PTRH1: variants seen among roughly 807,000 people sequenced by gnomAD.
PTRH1 encodes peptidyl-tRNA hydrolase 1 homolog.
A neutral mutation model predicts 15.7 loss-of-function variants in PTRH1; 13 were observed. The observed-to-expected ratio is 0.83, with a 90% CI of 0.54 to 1.31. The LOEUF is 1.31. Among genes scored for constraint, PTRH1 ranks in the 40% most tolerant of loss-of-function variants. The pLI is 0.00. For synonymous variants in PTRH1, 139 were observed against 136.7 expected (o/e 1.02, Z -0.12); for missense variants, 319 against 296.2 (o/e 1.08, Z -0.56).
chr9:127,713,077 C>T (rs1330152280), downstream of PTRH1: 3 of 1,613,772 alleles, frequency 1.9e-6, no homozygotes, highest in African/African-American at 2.7e-5. Context: ...TCTCTGACAT[C>T]ACCCCCTACC....
At chr9:127,707,050 G>A (rs754539168) in intron 1 of PTRH1, 5 of 1,613,842 alleles carry the variant, frequency 3.1e-6, no homozygotes, top group Non-Finnish European at 3.4e-6. Context: ...CAAAAAGAGT[G>A]TGAGCAAGGC....
intron 1 of PTRH1, among the ~76,000 whole-genome samples, chr9:127,706,597 G>T (rs981638889): frequency 6.6e-6 from 1 of 152,136 alleles, no homozygotes; most frequent in Non-Finnish European, 1.5e-5. Context: ...TCAGCTGGAC[G>T]CCCCAATGCA....
At chr9:127,710,282 CAAA>C (rs60165824), downstream of PTRH1, among the ~76,000 whole-genome samples, 3 of 82,598 alleles carry the variant, frequency 3.6e-5, no homozygotes, top group Admixed American at 1.3e-4. Flanking sequence ...GACCCTGTCT[CAAA>C]AAAAAAAAAA....
At chr9:127,713,245 G>A (rs761702853), downstream of PTRH1, 51 of 1,456,218 alleles carry the variant, frequency 3.5e-5, no homozygotes, top group Middle Eastern at 1.9e-4. Context: ...CAAGGTGGCA[G>A]CTAGTCCTGG....
downstream of PTRH1, chr9:127,712,637 G>A: frequency 3.7e-6 from 6 of 1,612,284 alleles, no homozygotes; most frequent in East Asian, 2.2e-5. Flanking sequence ...GGGCACTGAG[G>A]TTGGAATTTC....
At chr9:127,712,381 G>A, downstream of PTRH1, 1 of 1,610,500 alleles carries the variant, frequency 6.2e-7, no homozygotes, top group Non-Finnish European at 8.5e-7. Context: ...AGGGCGCAAG[G>A]GGAGGGGGAG....
chr9:127,709,723 A>C (rs1842720797), downstream of PTRH1: 25 of 1,602,844 alleles, frequency 1.6e-5, no homozygotes, highest in Non-Finnish European at 2.0e-5. The surrounding 1 kb of genome is among the most constrained non-coding windows in gnomAD (Gnocchi z 4.7). Context: ...GTGAGCCTGC[A>C]GGCACACATC....
chr9:127,713,970 C>A lies in PTRH1; in HGVS notation c.*130G>T. 6.3e-7 allele frequency: 1 copy of A among 1,580,194 alleles called. No individual in the cohort carries two copies. The highest frequency in any genetic ancestry group is 8.7e-7 in the Non-Finnish European group (1 of 1,149,628). ...CAGTCACAGTCACCCCCACTTTAAT[C>A]CGCAGGCAGCCTGGAACAGTCTAGA... On this transcript the variant is annotated 3_prime_UTR_variant, in exon 5 of 5. Coordinates refer to ENST00000543175, the MANE Select transcript of PTRH1 (RefSeq NM_001002913.3).
In PTRH1 at chr9:127,705,886, T is replaced by G. The variant is rs1488420489; in HGVS notation, c.205+9549A>C. The stretch of plus-strand genomic sequence containing the variant: ...GGTCTCTTCCCTCTGCCAGTCACAT[T>G]TGTGCCCTCCCAGGGCTGCCCTGCC... On this transcript the variant is annotated intron_variant, in intron 1 of 2. Coordinates refer to the PTRH1 transcript ENST00000335223. This position sits in a 1 kb window ranked among gnomAD's most constrained non-coding sequence, Gnocchi z 4.7. Among the ~76,000 whole-genome samples, 2 of 152,224 alleles carry G rather than the reference T, an allele frequency of 1.3e-5. No homozygotes were observed. The highest frequency in any genetic ancestry group is 3.8e-4 in the East Asian group (2 of 5,196).
chr9:127,694,507 C>G (rs1431865846), intron 2 of PTRH1, among the ~76,000 whole-genome samples: 1 of 152,130 alleles, frequency 6.6e-6, no homozygotes, highest in Non-Finnish European at 1.5e-5. Context: ...GAGTGTGGCT[C>G]TTTAGGTTCT....
chr9:127,715,676 C>T (rs761653670), upstream of PTRH1: 4 of 1,597,600 alleles, frequency 2.5e-6, no homozygotes, highest in Non-Finnish European at 3.4e-6. The surrounding 1 kb of genome is among the most constrained non-coding windows in gnomAD (Gnocchi z 5.8). Flanking sequence ...CCCCTGACGT[C>T]ATCACCCCGC....
At chr9:127,701,740 C>T (rs964828250) in intron 1 of PTRH1, among the ~76,000 whole-genome samples, 22 of 152,092 alleles carry the variant, frequency 1.4e-4, no homozygotes, top group South Asian at 1.2e-3. Flanking sequence ...GGAGAAATAC[C>T]GGTGTCTCCA....
chr9:127,714,241 G>A lies in PTRH1; in HGVS notation c.504C>T (p.His168=). ...GCACATGGGCCTGAACCGCCTCAGG[G>A]TGCGCCGGGCGCCCGATACCCACCC... ...RLRVGIGRPA[H]PEAVQAHVLG... The change falls in exon 5 of 5, where the codon CAC becomes CAT. Residue 168 remains histidine (H), a synonymous_variant. Transcript: ENST00000543175. 1 of 1,613,990 alleles carries A rather than the reference G, an allele frequency of 6.2e-7. No homozygotes were observed. The highest frequency in any genetic ancestry group is 8.5e-7 in the Non-Finnish European group (1 of 1,180,006).
Position 127,714,430 on chromosome 9 carries a change from A to G in PTRH1, c.417-6T>C. On this transcript the variant is annotated splice_region_variant and splice_polypyrimidine_tract_variant and intron_variant, in intron 3 of 4. Coordinates refer to ENST00000543175, the MANE Select transcript of PTRH1 (RefSeq NM_001002913.3). ...AACGGACTCCATTGTGGCCCCTTCA[A>G]GGGATATGGGAGGGGCAGTTAGTGC... 6.2e-7 allele frequency: 1 copy of G among 1,614,148 alleles called. No homozygotes were observed. The highest frequency in any genetic ancestry group is 8.5e-7 in the Non-Finnish European group (1 of 1,180,002).
At chr9:127,698,905 CTTT>C (rs143136665) in intron 1 of PTRH1, among the ~76,000 whole-genome samples, 5,971 of 136,698 alleles carry the variant, frequency 0.044, 367 homozygotes, top group African/African-American at 0.15. Flanking sequence ...ACAAGACCAA[CTTT>C]TTTTTTTTTT....
rs757696659 is a variant in PTRH1, at chr9:127,714,060, G to A, written c.*40C>T. The A allele has an allele frequency of 4.4e-6, 7 of 1,601,672 alleles. No homozygotes were observed. The highest frequency in any genetic ancestry group is 1.3e-5 in the African/African-American group (1 of 74,746). ...CAGCTCTGTGGCAGTGGCTGGGTTGGTGGGCACTACAGTCAGGCAGGCAGC... is the reference window on the plus strand; with the variant it reads ...CAGCTCTGTGGCAGTGGCTGGGTTGATGGGCACTACAGTCAGGCAGGCAGC... On this transcript the variant is annotated 3_prime_UTR_variant, in exon 5 of 5. Coordinates refer to ENST00000543175, the MANE Select transcript of PTRH1 (RefSeq NM_001002913.3).
At chr9:127,713,101 A>T (rs767555039), downstream of PTRH1, 3 of 1,613,426 alleles carry the variant, frequency 1.9e-6, no homozygotes, top group African/African-American at 4.0e-5. Flanking sequence ...CGGGGGATCT[A>T]GGCCTGGTAC....
At position 127,715,108 on chromosome 9, in the gene PTRH1, A is replaced by G; in HGVS notation, c.183T>C (p.Gly61=). The change falls in exon 2 of 5, where the codon GGT becomes GGC. Residue 61 remains glycine, a synonymous_variant. Transcript: ENST00000543175. This position sits in a 1 kb window ranked among gnomAD's most constrained non-coding sequence, Gnocchi z 5.8. ...GGTCGCGCGTCCAACTCTCCGCCACACCCAGCCGCCGCGCCAGCTGCCCCA... is the reference window on the plus strand; with the variant it reads ...GGTCGCGCGTCCAACTCTCCGCCACGCCCAGCCGCCGCGCCAGCTGCCCCA... ...AVLGQLARRL[G]VAESWTRDRH... 1 of 1,533,552 alleles carries G rather than the reference A, an allele frequency of 6.5e-7. No homozygotes were observed. Among genetic ancestry groups the G allele is most frequent in the Non-Finnish European group, 8.7e-7 (1 of 1,145,848 alleles). The allele number at this position is 1,533,552 out of a possible 1,614,324, so 95.0% of individuals were successfully genotyped here.
chr9:127,706,713 AT>A, intron 1 of PTRH1, among the ~76,000 whole-genome samples: 1 of 152,146 alleles, frequency 6.6e-6, no homozygotes, highest in Non-Finnish European at 1.5e-5. Flanking sequence ...AAGGATGGCG[AT>A]TTCCAGGGCC....
Sources: allele counts gnomAD v4.1 joint callset (sites outside exome capture counted in the v4.1 genomes callset), GRCh38; gene constraint gnomAD v4.1.1; non-coding constraint Gnocchi (gnomAD v3.1); transcripts MANE v1.5; gene names NCBI Gene and HGNC (gene_info 2026-07-23, HGNC 2026-07-21).